The following AKT3 variants were observed in gnomAD, a reference collection of about 807,000 sequenced individuals.
AKT3 encodes the protein AKT serine/threonine kinase 3.
A neutral mutation model predicts 65.3 loss-of-function variants in AKT3; 15 were observed. The ratio of observed to expected loss-of-function variants is 0.23; its 90% CI spans 0.15 to 0.35. The LOEUF is 0.35. Ranked by LOEUF, AKT3 falls within the 10% of genes least tolerant of loss-of-function variation. The pLI is 1.00. For missense variants in AKT3, 243 were observed against 576.5 expected (o/e 0.42, Z 5.92); for synonymous variants, 206 against 183.8 (o/e 1.12, Z -0.98).
chr1:243,849,760 C>A (rs1478829950), intron 1 of AKT3, among the ~76,000 whole-genome samples: 3 of 151,624 alleles, frequency 2.0e-5, no homozygotes. Context: ...TCCCCCGGCC[C>A]GCTGCGCACC....
intron 4 of AKT3, among the ~76,000 whole-genome samples, chr1:243,659,805 G>T (rs1432294183): frequency 6.6e-6 from 1 of 152,182 alleles, no homozygotes; most frequent in African/African-American, 2.4e-5. Flanking sequence ...ATTAAAAATA[G>T]AGAGTTTTTC....
In AKT3 at chr1:243,687,674, G is replaced by A. The variant is rs183286536; in HGVS notation, c.172+7917C>T. 51 of 152,064 alleles carry A rather than the reference G, an allele frequency of 3.4e-4. 1 individual carries two copies. The highest frequency in any genetic ancestry group is 1.0e-3 in the African/African-American group (43 of 41,496). 9.4% of individuals were successfully genotyped at this position (152,064 alleles called of 1,614,324 possible). On this transcript the variant is annotated intron_variant, in intron 3 of 13. Transcript: ENST00000673466. ...AAGGAAAAAGTAGGAAAGAATGAACGTTTTGTGGAATTTTTGTTCTTTTCA... is the reference window on the plus strand; with the variant it reads ...AAGGAAAAAGTAGGAAAGAATGAACATTTTGTGGAATTTTTGTTCTTTTCA...
intron 1 of AKT3, 78 bp downstream of exon 1, chr1:243,849,962 G>C (rs1303431591): frequency 1.1e-6 from 1 of 947,058 alleles, no homozygotes; most frequent in Non-Finnish European, 1.3e-6. Context: ...AGGCAGGGAG[G>C]GCGGACCGGG....
At chr1:243,552,622 A>G (rs1673160448) in intron 11 of AKT3, 107 bp downstream of exon 11, 1 of 1,018,864 alleles carries the variant, frequency 9.8e-7, no homozygotes. Context: ...GAAGATGTCT[A>G]CACCAAATAC....
intron 10 of AKT3, among the ~76,000 whole-genome samples, chr1:243,553,952 T>A (rs553408061): frequency 2.0e-5 from 3 of 152,188 alleles, no homozygotes; most frequent in Non-Finnish European, 4.4e-5. Context: ...AAACCAAATA[T>A]ATGAATTTAT....
chr1:243,495,677 G>A (rs1574438711), downstream of AKT3, among the ~76,000 whole-genome samples: 1 of 152,198 alleles, frequency 6.6e-6, no homozygotes, highest in East Asian at 1.9e-4. Flanking sequence ...CGGCTCTGTA[G>A]AGGAGTGCTC....
At position 243,715,794 on chromosome 1, in the gene AKT3, T is replaced by C. The variant is rs368311362; in HGVS notation, c.47-20078A>G. On this transcript the variant is annotated intron_variant, in intron 2 of 13. Transcript: ENST00000673466. ...TTATCACATATGAATAAAAAGCCAT[T>C]CTTAGTGGAGAAAAAAAAATTGTTT... Among the ~76,000 whole-genome samples, 311 of 152,204 alleles carry C rather than the reference T, an allele frequency of 2.0e-3. 2 individuals carry two copies. Among genetic ancestry groups the C allele is most frequent in the African/African-American group, 7.1e-3 (296 of 41,576 alleles).
At chr1:243,518,444 G>A (rs1407096882) in intron 12 of AKT3, among the ~76,000 whole-genome samples, 1 of 152,174 alleles carries the variant, frequency 6.6e-6, no homozygotes, top group Non-Finnish European at 1.5e-5. Context: ...GGCCAACATG[G>A]TGAAACCCCA....
chr1:243,636,803 A>T (rs1680007052), intron 6 of AKT3, among the ~76,000 whole-genome samples: 1 of 152,126 alleles, frequency 6.6e-6, no homozygotes. Context: ...TATGATTCCA[A>T]AGCCAATGTT....
At chr1:243,588,288 T>C (rs1219484487) in intron 8 of AKT3, among the ~76,000 whole-genome samples, 2 of 152,180 alleles carry the variant, frequency 1.3e-5, no homozygotes, top group Admixed American at 1.3e-4. Context: ...AGGAAAGCTG[T>C]AAATATGTAG....
intron 2 of AKT3, among the ~76,000 whole-genome samples, chr1:243,786,559 CAA>C (rs1166750693): frequency 7.9e-5 from 12 of 152,144 alleles, no homozygotes; most frequent in Non-Finnish European, 1.6e-4. Flanking sequence ...CTTAAATTAG[CAA>C]AAGTTAACTA....
At chr1:243,619,250 T>C (rs1389752877) in intron 6 of AKT3, among the ~76,000 whole-genome samples, 1 of 152,138 alleles carries the variant, frequency 6.6e-6, no homozygotes, top group Non-Finnish European at 1.5e-5. Flanking sequence ...AATAGTTGTA[T>C]ACATTTTCGG....
At chr1:243,663,929 T>A (rs79743018) in intron 4 of AKT3, among the ~76,000 whole-genome samples, 22 of 152,086 alleles carry the variant, frequency 1.4e-4, no homozygotes, top group African/African-American at 4.3e-4. Flanking sequence ...CCTGATGAAG[T>A]TGATGAGTTG....
intron 12 of AKT3, among the ~76,000 whole-genome samples, chr1:243,536,589 TA>T (rs1187359743): frequency 6.6e-6 from 1 of 152,230 alleles, no homozygotes; most frequent in Non-Finnish European, 1.5e-5. Context: ...TCCTCATTCT[TA>T]TTTTTTCCAG....
At chr1:243,656,691 G>A (rs1681825393) in intron 4 of AKT3, among the ~76,000 whole-genome samples, 1 of 152,274 alleles carries the variant, frequency 6.6e-6, no homozygotes, top group South Asian at 2.1e-4. Context: ...TTAGTACTTG[G>A]GAAACAACAA....
At chr1:243,836,012 G>A (rs1027743715) in intron 2 of AKT3, among the ~76,000 whole-genome samples, 1 of 151,970 alleles carries the variant, frequency 6.6e-6, no homozygotes, top group Non-Finnish European at 1.5e-5. Context: ...AAGAACACAT[G>A]ACACAAACAG....
At chr1:243,720,119 C>T (rs1330385043) in intron 2 of AKT3, among the ~76,000 whole-genome samples, 2 of 151,816 alleles carry the variant, frequency 1.3e-5, no homozygotes, top group African/African-American at 2.4e-5. Context: ...TCAAGACCAG[C>T]CTGACCCCAT....
downstream of AKT3, among the ~76,000 whole-genome samples, chr1:243,497,267 G>C (rs575748960): frequency 7.2e-6 from 1 of 138,934 alleles, no homozygotes; most frequent in Non-Finnish European, 1.5e-5. Flanking sequence ...TGACCTCCTA[G>C]GACAAATTAT....
intron 6 of AKT3, among the ~76,000 whole-genome samples, chr1:243,627,153 C>T (rs775253979): frequency 6.6e-6 from 1 of 152,136 alleles, no homozygotes; most frequent in Non-Finnish European, 1.5e-5. Context: ...ACAGCATCAG[C>T]AGTCTCTGAC....
Sources: allele counts gnomAD v4.1 joint callset (sites outside exome capture counted in the v4.1 genomes callset), GRCh38; gene constraint gnomAD v4.1.1; transcripts MANE v1.5; gene names NCBI Gene and HGNC (gene_info 2026-07-23, HGNC 2026-07-21).